Variants in SLC5A10 observed in about 807,000 individuals in gnomAD.
The protein encoded by SLC5A10 is solute carrier family 5 member 10.
In SLC5A10, 55 loss-of-function variants were observed where a neutral mutation model predicts 68.9. The observed-to-expected ratio is 0.80, with a 90% CI of 0.64 to 1.00. The LOEUF is 1.00. Among genes scored for constraint, SLC5A10 ranks in the 50% least tolerant of loss-of-function variants. The pLI, the probability that SLC5A10 is intolerant of heterozygous loss-of-function variation, is 0.00. For missense variants in SLC5A10, 732 were observed against 819.3 expected, an observed-to-expected ratio of 0.89 and a Z score of 1.30; for synonymous variants, 344 against 344.8, an observed-to-expected ratio of 1.00 and a Z score of 0.02.
At chr17:18,951,257 T>C (rs1372507779), upstream of SLC5A10, among the ~76,000 whole-genome samples, 2 of 152,252 alleles carry the variant, frequency 1.3e-5, no homozygotes, top group African/African-American at 2.4e-5. Flanking sequence ...CGTCCCACTC[T>C]GATGGAATCC....
intron 1 of SLC5A10, among the ~76,000 whole-genome samples, chr17:18,957,198 A>G (rs1483089863): frequency 6.6e-6 from 1 of 152,180 alleles, no homozygotes; most frequent in African/African-American, 2.4e-5. Context: ...TTAGGACCAC[A>G]TTACAGAGGA....
At chr17:18,986,613 C>T (rs1038751717) in intron 9 of SLC5A10, among the ~76,000 whole-genome samples, 2 of 152,254 alleles carry the variant, frequency 1.3e-5, no homozygotes, top group African/African-American at 4.8e-5. Context: ...CAGAACTCTG[C>T]AAGCAGCGGA....
intron 9 of SLC5A10, chr17:18,977,737 T>C: frequency 6.2e-7 from 1 of 1,607,458 alleles, no homozygotes; most frequent in Non-Finnish European, 8.5e-7. Context: ...GGCGCGGTGG[T>C]GGGGTTGGCC....
rs764496911 is a variant in SLC5A10 at position 18,977,794 on chromosome 17, C to A, written c.982+805C>A. 8.1e-6 allele frequency: 13 copies of A among 1,601,860 alleles called. No homozygotes were observed. Among genetic ancestry groups the A allele is most frequent in the Admixed American group, 5.1e-5 (3 of 59,122 alleles). On this transcript the variant is annotated intron_variant, in intron 9 of 14. Coordinates refer to ENST00000395645, the MANE Select transcript of SLC5A10 (RefSeq NM_001042450.4). ...GGCGCCTCCGGAGAGGGACTGAGTGCTCTCTCACCTCGAAGTACTCCTCTG... is the reference window on the plus strand; with the variant it reads ...GGCGCCTCCGGAGAGGGACTGAGTGATCTCTCACCTCGAAGTACTCCTCTG...
Position 18,971,341 on chromosome 17 carries a change from C to T in SLC5A10, c.846+123C>T, listed in dbSNP as rs1221962542. 2 of 1,604,578 alleles carry T rather than the reference C, an allele frequency of 1.2e-6. No homozygotes were observed. Among genetic ancestry groups the T allele is most frequent in the Non-Finnish European group, 1.7e-6 (2 of 1,175,450 alleles). Reference sequence around the variant, plus strand: ...GGCTGGGGCCTCAGAAGGTGTGGCTCCAGGCTGGGACATGCTGCTAGGGGT... The same window carrying T: ...GGCTGGGGCCTCAGAAGGTGTGGCTTCAGGCTGGGACATGCTGCTAGGGGT... On this transcript the variant is annotated intron_variant, in intron 8 of 14. Coordinates refer to ENST00000395645, the MANE Select transcript of SLC5A10 (RefSeq NM_001042450.4). This position sits in a 1 kb window ranked among gnomAD's most constrained non-coding sequence, Gnocchi z 5.5.
chr17:18,994,064 A>T (rs1416882637), intron 9 of SLC5A10, among the ~76,000 whole-genome samples: 1 of 152,200 alleles, frequency 6.6e-6, no homozygotes, highest in Non-Finnish European at 1.5e-5. Flanking sequence ...GAAGGCTGTA[A>T]GTGACGCATC....
chr17:18,976,970 C>T lies in SLC5A10; in HGVS notation c.963C>T (p.Ile321=). The T allele has an allele frequency of 1.2e-6, 2 of 1,612,906 alleles. No individual in the cohort carries two copies. Among genetic ancestry groups the T allele is most frequent in the Non-Finnish European group, 1.7e-6 (2 of 1,179,810 alleles). ...PMGLIIMPGM[I]SRALFPDDVG... is the part of the protein sequence containing the mutation. ...GCCTGATCATCATGCCGGGCATGAT[C>T]AGCCGCGCATTGTTCCCAGGTAGGA... Residue 321 remains isoleucine (I), a synonymous_variant, in exon 9 of 15, where the codon ATC becomes ATT. Coordinates refer to ENST00000395645, the MANE Select transcript of SLC5A10 (RefSeq NM_001042450.4).
chr17:19,003,059 C>T lies in SLC5A10; in HGVS notation c.983-10351C>T, dbSNP rs558684073. On this transcript the variant is annotated intron_variant, in intron 9 of 14. Transcript: ENST00000395645. The surrounding 1 kb of genome is among the most constrained non-coding windows in gnomAD (Gnocchi z 4.5). ...AACAGGCAGTGTTGAACAAGGACCT[C>T]CAGGCCAGTCTCAGATGGACTTGGA... is the stretch of plus-strand genomic sequence containing the variant. 4.9e-4 allele frequency among the ~76,000 whole-genome samples: 74 copies of T among 152,212 alleles called. No homozygotes were observed. Among genetic ancestry groups the T allele is most frequent in the African/African-American group, 1.7e-3 (70 of 41,550 alleles).
rs567056527 is a variant in SLC5A10, at chr17:18,991,069, G to A, written c.982+14080G>A. Among the ~76,000 whole-genome samples, 13 of 152,268 alleles carry A rather than the reference G, an allele frequency of 8.5e-5. No individual in the cohort carries two copies. The South Asian group carries it at 2.1e-3, about 24-fold the overall frequency. The stretch of plus-strand genomic sequence containing the variant: ...CTTGTTCAGGCCTCACAAGCACACC[G>A]GGAGGCAGTGGTTCTTTTTCCCATT... On this transcript the variant is annotated intron_variant, in intron 9 of 14. Coordinates refer to ENST00000395645, the MANE Select transcript of SLC5A10 (RefSeq NM_001042450.4).
rs1178443891 is a variant in SLC5A10 at position 18,971,146 on chromosome 17, A to G, written c.774A>G (p.Thr258=). Residue 258 remains threonine, a synonymous_variant, in exon 8 of 15, where the codon ACA becomes ACG. Coordinates refer to ENST00000395645, the MANE Select transcript of SLC5A10 (RefSeq NM_001042450.4). The surrounding 1 kb of genome is among the most constrained non-coding windows in gnomAD (Gnocchi z 5.5). The part of the protein sequence containing the change: ...DAMHMFRDPH[T]GDLPWTGMTF... ...TGCACATGTTTCGAGACCCCCACAC[A>G]GGGGACCTGCCGTGGACCGGGATGA... 15 of 1,614,006 alleles carry G rather than the reference A, an allele frequency of 9.3e-6. No homozygotes were observed. The highest frequency in any genetic ancestry group is 1.3e-5 in the Non-Finnish European group (15 of 1,180,026).
At chr17:18,978,471 G>A in intron 9 of SLC5A10, 1 of 1,611,128 alleles carries the variant, frequency 6.2e-7, no homozygotes, top group South Asian at 1.1e-5. Flanking sequence ...AGGTGAAGCA[G>A]TCCTGGGTGG....
rs201226902 is a variant in SLC5A10, at chr17:19,015,036, C to T, written c.1091-13C>T. On this transcript the variant is annotated splice_polypyrimidine_tract_variant and intron_variant, in intron 10 of 14. Transcript: ENST00000395645. ...AGGCCGGACAGGGTCACACATCCCCCGTCCCACCCCAGGTCTGCGGGGGCT... is the reference window on the plus strand; with the variant it reads ...AGGCCGGACAGGGTCACACATCCCCTGTCCCACCCCAGGTCTGCGGGGGCT... 3.7e-5 allele frequency: 60 copies of T among 1,610,460 alleles called. No homozygotes were observed. The Middle Eastern group carries it at 5.0e-4, about 13-fold the overall frequency.
rs2042775161 is a variant in SLC5A10, at chr17:18,969,153, C to T, written c.555C>T (p.Ile185=). 5.0e-6 allele frequency: 8 copies of T among 1,613,462 alleles called. No homozygotes were observed. The highest frequency in any genetic ancestry group is 1.6e-4 in the Middle Eastern group (1 of 6,078). Residue 185 remains isoleucine (I), a synonymous_variant, in exon 6 of 15, where the codon ATC becomes ATT. Coordinates refer to ENST00000395645, the MANE Select transcript of SLC5A10 (RefSeq NM_001042450.4). ...TCGGCATCACAGCCCTGTACACCAT[C>T]GCAGGTATGGTGCCTGCAGCAGGGA... The part of the protein sequence containing the change: ...LTLGITALYT[I]AGGLAAVIYT...
chr17:18,981,907 G>C (rs1485121781), intron 9 of SLC5A10, among the ~76,000 whole-genome samples: 1 of 152,206 alleles, frequency 6.6e-6, no homozygotes, highest in East Asian at 1.9e-4. Context: ...AAAGATCCTG[G>C]AGGTGGTACG....
chr17:19,014,282 G>A (rs1351914911), intron 10 of SLC5A10, among the ~76,000 whole-genome samples: 1 of 152,146 alleles, frequency 6.6e-6, no homozygotes, highest in East Asian at 1.9e-4. Flanking sequence ...GCACAGAGTG[G>A]GCAGTTGAGC....
At position 18,969,129 on chromosome 17, in the gene SLC5A10, C is replaced by T. The variant is rs201314485; in HGVS notation, c.531C>T (p.Leu177=). 8.1e-6 allele frequency: 13 copies of T among 1,614,136 alleles called. No individual in the cohort carries two copies. Among genetic ancestry groups the T allele is most frequent in the South Asian group, 3.3e-5 (3 of 91,076 alleles). Residue 177 remains leucine (L), a synonymous_variant, in exon 6 of 15, where the codon CTC becomes CTT. Coordinates refer to ENST00000395645, the MANE Select transcript of SLC5A10 (RefSeq NM_001042450.4). ...TCTACCTCTCCACCATCCTCACGCT[C>T]GGCATCACAGCCCTGTACACCATCG... is the stretch of plus-strand genomic sequence containing the variant. ...WNFYLSTILT[L]GITALYTIAG...
At chr17:18,952,790 C>T in intron 1 of SLC5A10, among the ~76,000 whole-genome samples, 1 of 152,274 alleles carries the variant, frequency 6.6e-6, no homozygotes, top group South Asian at 2.1e-4. Flanking sequence ...GTCCTGTGGC[C>T]TAGCCCTAGA....
At chr17:19,010,842 C>T (rs944245770) in intron 9 of SLC5A10, among the ~76,000 whole-genome samples, 2 of 152,168 alleles carry the variant, frequency 1.3e-5, no homozygotes, top group Admixed American at 6.5e-5. Context: ...GACTGTGTCC[C>T]CCAGGCAAGT....
intron 9 of SLC5A10, among the ~76,000 whole-genome samples, chr17:18,995,936 C>A (rs2043560449): frequency 6.6e-6 from 1 of 150,808 alleles, no homozygotes; most frequent in African/African-American, 2.4e-5. Context: ...AAGACTAAAT[C>A]CACAGGTCTC....
Sources: gnomAD v4.1 joint callset for allele counts (sites outside exome capture counted in the v4.1 genomes callset) on GRCh38, gnomAD v4.1.1 for gene constraint, Gnocchi (gnomAD v3.1) non-coding constraint, MANE v1.5 for transcripts, NCBI Gene and HGNC (gene_info 2026-07-23, HGNC 2026-07-21) for gene names.